Variants in EFR3B observed in about 807,000 individuals in gnomAD.
EFR3B encodes EFR3 homolog B, also known as protein EFR3 homolog B.
EFR3B carries 64 observed loss-of-function variants against 104.7 expected under a neutral mutation model. The observed-to-expected ratio is 0.61, with a 90% confidence interval of 0.50 to 0.75. The LOEUF is 0.75. Ranked by LOEUF, EFR3B falls within the 30% of genes least tolerant of loss-of-function variation. EFR3B has a pLI of 0.00. For missense variants in EFR3B, 750 were observed against 1,078.5 expected, an observed-to-expected ratio of 0.70 and a Z score of 4.27; for synonymous variants, 385 against 417.9, an observed-to-expected ratio of 0.92 and a Z score of 0.96.
At chr2:25,068,887 C>T (rs1314848882) in intron 1 of EFR3B, among the ~76,000 whole-genome samples, 3 of 151,062 alleles carry the variant, frequency 2.0e-5, no homozygotes, top group Non-Finnish European at 4.4e-5. Flanking sequence ...CCTTGGCCTC[C>T]CAAAGTGCTG....
Position 25,128,960 on chromosome 2 carries a change from CAAAAAAAAAAAAAAAAAAAAAAAAA to C in EFR3B, c.635+645_635+669del, listed in dbSNP as rs1170505822. Among the ~76,000 whole-genome samples, 51 of 26,690 alleles carry C rather than the reference CAAAAAAAAAAAAAAAAAAAAAAAAA, an allele frequency of 1.9e-3. 1 individual carries two copies. In the South Asian group the frequency reaches 0.08, roughly 42 times the overall value. 17.5% of individuals were successfully genotyped at this position (26,690 alleles called of 152,430 possible). A position where few individuals can be genotyped will look rare whatever the true frequency, so the allele number is the denominator to read the frequency against. ...TGGGCGACGGAGCGAGACTCCGTCT[CAAAAAAAAAAAAAAAAAAAAAAAAA>C]AAAAAAAAAAAAAAAAGATGCCTTT... On this transcript the variant is annotated intron_variant, in intron 6 of 22. Transcript: ENST00000403714.
At chr2:25,107,422 C>T (rs1459926932) in intron 4 of EFR3B, among the ~76,000 whole-genome samples, 1 of 152,194 alleles carries the variant, frequency 6.6e-6, no homozygotes, top group Non-Finnish European at 1.5e-5. Context: ...CCTTCAAGGT[C>T]CCCAACTCAG....
At chr2:25,059,614 G>A (rs1380084159) in intron 1 of EFR3B, among the ~76,000 whole-genome samples, 2 of 150,620 alleles carry the variant, frequency 1.3e-5, no homozygotes, top group African/African-American at 4.9e-5. Context: ...TTGTTACTGG[G>A]TAGAGTTTCA....
chr2:25,127,562 A>AAAAG (rs1040763941), intron 5 of EFR3B, among the ~76,000 whole-genome samples: 3 of 152,200 alleles, frequency 2.0e-5, no homozygotes, highest in African/African-American at 4.8e-5. Context: ...GGTTTTATAA[A>AAAAG]AAAGAAAGAA....
intron 13 of EFR3B, among the ~76,000 whole-genome samples, chr2:25,135,862 T>G (rs1171836328): frequency 6.6e-6 from 1 of 152,078 alleles, no homozygotes; most frequent in Non-Finnish European, 1.5e-5. Flanking sequence ...AAAGGGCACT[T>G]GTGTCTGGGA....
intron 3 of EFR3B, among the ~76,000 whole-genome samples, chr2:25,100,324 C>T (rs1363298766): frequency 6.6e-6 from 1 of 152,128 alleles, no homozygotes; most frequent in African/African-American, 2.4e-5. Flanking sequence ...GGCATGTGAA[C>T]CTGACTTTAG....
chr2:25,122,615 T>A (rs1369577565), intron 5 of EFR3B, among the ~76,000 whole-genome samples: 1 of 152,080 alleles, frequency 6.6e-6, no homozygotes, highest in East Asian at 1.9e-4. Flanking sequence ...TCTGTGCTTG[T>A]GCTGGGAATG....
chr2:25,078,222 G>C (rs963634216), intron 1 of EFR3B, among the ~76,000 whole-genome samples: 12 of 152,190 alleles, frequency 7.9e-5, no homozygotes, highest in Admixed American at 4.6e-4. Context: ...GTGAACACAA[G>C]TGCCTCGTGG....
At chr2:25,101,255 G>A (rs1669423418) in intron 3 of EFR3B, among the ~76,000 whole-genome samples, 2 of 152,186 alleles carry the variant, frequency 1.3e-5, no homozygotes, top group African/African-American at 4.8e-5. Context: ...CAGCTGGTAG[G>A]AAGAGGGAAA....
Position 25,131,253 on chromosome 2 carries a change from G to A in EFR3B, c.850-115G>A, listed in dbSNP as rs1670320571. The A allele has an allele frequency of 1.4e-6, 2 of 1,389,626 alleles. No individual in the cohort carries two copies. The highest frequency in any genetic ancestry group is 5.0e-5 in the East Asian group (2 of 39,762). 86.1% of individuals were successfully genotyped at this position (1,389,626 alleles called of 1,614,324 possible). Reference sequence around the variant, plus strand: ...GGTGTCAGTGCCAACTGCAGTGCCCGGGGCCTTGGAACGTCCCTTTAGTTT... The same window carrying A: ...GGTGTCAGTGCCAACTGCAGTGCCCAGGGCCTTGGAACGTCCCTTTAGTTT... On this transcript the variant is annotated intron_variant, in intron 8 of 22. Transcript: ENST00000403714. The surrounding 1 kb of genome is among the most constrained non-coding windows in gnomAD (Gnocchi z 7.6).
rs1671176870 is a variant in EFR3B at position 25,156,564 on chromosome 2, TG to T, written c.*2227del. On this transcript the variant is annotated 3_prime_UTR_variant, in exon 23 of 23. Transcript: ENST00000403714. ...CGCCCGCCTCAGCCTCTCAAAGTGC[TG>T]GGATTACAGGCGTGAGCCACTGCGC... 1 of 152,266 alleles carries T rather than the reference TG, an allele frequency of 6.6e-6. No individual in the cohort carries two copies. The highest frequency in any genetic ancestry group is 2.1e-4 in the South Asian group (1 of 4,826). The allele number at this position is 152,266 out of a possible 1,614,324, so 9.4% of individuals were successfully genotyped here. A position where few individuals can be genotyped will look rare whatever the true frequency, so the allele number is the denominator to read the frequency against.
chr2:25,086,281 G>A (rs974066387), intron 1 of EFR3B, among the ~76,000 whole-genome samples: 31 of 152,198 alleles, frequency 2.0e-4, no homozygotes, highest in African/African-American at 7.5e-4. Context: ...TAAATACCAA[G>A]GGGTGTGATT....
chr2:25,071,703 A>G (rs1668503803), intron 1 of EFR3B, among the ~76,000 whole-genome samples: 2 of 152,224 alleles, frequency 1.3e-5, no homozygotes, highest in South Asian at 4.1e-4. Context: ...GGTTGTCTAA[A>G]TTATGTCTTG....
Position 25,121,743 on chromosome 2 carries a change from G to A in EFR3B, c.434G>A (p.Arg145Gln), listed in dbSNP as rs757728893. The part of the protein sequence containing the change: ...YHRSYDFFVS[R>Q]FSEMCHSSHD... ...CGGAGCTATGACTTCTTTGTGTCCCGATTCAGTGAAATGTGCCACTCGAGC... is the reference window on the plus strand; with the variant it reads ...CGGAGCTATGACTTCTTTGTGTCCCAATTCAGTGAAATGTGCCACTCGAGC... Residue 145 changes from arginine (R) to glutamine (Q), a missense_variant, in exon 5 of 23, where the codon CGA (arginine) becomes CAA (glutamine). Physicochemically the swap from Arg to Gln is conservative, Grantham distance 43. Transcript: ENST00000403714. 9.7e-6 allele frequency: 15 copies of A among 1,551,684 alleles called. No homozygotes were observed. Among genetic ancestry groups the A allele is most frequent in the African/African-American group, 4.1e-5 (3 of 73,146 alleles).
intron 3 of EFR3B, among the ~76,000 whole-genome samples, chr2:25,096,837 G>A (rs1558600458): frequency 1.3e-5 from 2 of 152,104 alleles, no homozygotes; most frequent in Admixed American, 6.5e-5. Flanking sequence ...GAAAGCACAG[G>A]CCTCACCAGC....
At chr2:25,072,595 A>T (rs1451095365) in intron 1 of EFR3B, among the ~76,000 whole-genome samples, 3 of 152,050 alleles carry the variant, frequency 2.0e-5, no homozygotes. Context: ...TTATTTTCTT[A>T]TGCCTTGACT....
At chr2:25,105,160 A>AT (rs1166423973) in intron 4 of EFR3B, among the ~76,000 whole-genome samples, 88 of 152,098 alleles carry the variant, frequency 5.8e-4, no homozygotes, top group African/African-American at 2.1e-3. Flanking sequence ...ATTTTATTTT[A>AT]TTATTTTTTT....
chr2:25,074,532 T>A (rs1668583021), intron 1 of EFR3B, among the ~76,000 whole-genome samples: 1 of 150,022 alleles, frequency 6.7e-6, no homozygotes, highest in Non-Finnish European at 1.5e-5. Context: ...GCCACTGCAC[T>A]CCAGTCTGAG....
chr2:25,151,152 A>G (rs1009174803), intron 20 of EFR3B, among the ~76,000 whole-genome samples: 3 of 151,914 alleles, frequency 2.0e-5, no homozygotes, highest in Non-Finnish European at 2.9e-5. Flanking sequence ...ACCAAGCAGC[A>G]TGTGTAGAAG....
Sources: gnomAD v4.1 joint callset for allele counts (sites outside exome capture counted in the v4.1 genomes callset) on GRCh38, gnomAD v4.1.1 for gene constraint, Gnocchi (gnomAD v3.1) non-coding constraint, MANE v1.5 for transcripts, NCBI Gene and HGNC (gene_info 2026-07-23, HGNC 2026-07-21) for gene names.